The following CST7 variants were observed in gnomAD, a reference collection of about 807,000 sequenced individuals.
CST7 encodes the protein cystatin-F.
A neutral mutation model predicts 13.1 loss-of-function variants in CST7; 15 were observed. The ratio of observed to expected loss-of-function variants is 1.14; its 90% CI spans 0.77 to 1.76. The LOEUF is 1.76. CST7 is among the 40% of genes most tolerant of loss of function. The pLI, the probability that CST7 is intolerant of heterozygous loss-of-function variation, is 0.00. For synonymous variants in CST7, 75 were observed against 66.9 expected (o/e 1.12, Z -0.59); for missense variants, 193 against 178.8 (o/e 1.08, Z -0.45).
intron 3 of CST7, 134 bp from the exon 4 acceptor site, chr20:24,959,501 C>A: frequency 1.4e-6 from 1 of 732,006 alleles, no homozygotes. Flanking sequence ...TTCAAGTTTT[C>A]TGTAGGTTTG....
chr20:24,949,766 G>A (rs560054831), intron 1 of CST7, among the ~76,000 whole-genome samples, 191 bp downstream of exon 1: 1 of 152,332 alleles, frequency 6.6e-6, no homozygotes, highest in East Asian at 1.9e-4. Flanking sequence ...GGGGTAGCAG[G>A]CTACAGGGAT....
At chr20:24,957,500 A>AG in intron 2 of CST7, 41 bp downstream of exon 2, 1 of 1,592,612 alleles carries the variant, frequency 6.3e-7, no homozygotes. Context: ...GGACACCCCT[A>AG]GGAAGCCGAG....
chr20:24,957,478 G>A lies in CST7; in HGVS notation c.243+19G>A, dbSNP rs2087866335. 1.9e-6 allele frequency: 3 copies of A among 1,611,124 alleles called. No homozygotes were observed. Among genetic ancestry groups the A allele is most frequent in the South Asian group, 2.2e-5 (2 of 90,844 alleles). On this transcript the variant is annotated intron_variant, in intron 2 of 3. Coordinates refer to ENST00000480798, the MANE Select transcript of CST7 (RefSeq NM_003650.4). ...AGTTCAGGTAACGGTCTGGGTTCTG[G>A]TCACATATCACGGACACCCCTAGGA...
chr20:24,957,704 C>T (rs1000799465), intron 2 of CST7, among the ~76,000 whole-genome samples: 1 of 152,162 alleles, frequency 6.6e-6, no homozygotes, highest in Non-Finnish European at 1.5e-5. Flanking sequence ...GCCCCTGGCC[C>T]AGAGCCTACT....
chr20:24,949,671 G>C (rs1301491699), intron 1 of CST7, 96 bp downstream of exon 1: 3 of 1,504,584 alleles, frequency 2.0e-6, no homozygotes, highest in Non-Finnish European at 2.7e-6. Context: ...TCCTAGCTTG[G>C]AGCCCCCACA....
At chr20:24,956,858 T>C (rs548075735) in intron 1 of CST7, among the ~76,000 whole-genome samples, 104 of 151,794 alleles carry the variant, frequency 6.9e-4, no homozygotes, top group African/African-American at 2.3e-3. Context: ...CTGTGGGACA[T>C]GTTCCGCTTT....
At position 24,957,392 on chromosome 20, in the gene CST7, A is replaced by G. The variant is rs749745596; in HGVS notation, c.176A>G (p.Lys59Arg). ...CAAGCAGCCAGATACAGTGTTGAAA[A>G]GTTCAACAACTGCACGAACGACATG... ...VLQAARYSVE[K>R]FNNCTNDMFL... Residue 59 changes from lysine (K) to arginine (R), a missense_variant, in exon 2 of 4, where the codon AAG (lysine) becomes AGG (arginine). Transcript: ENST00000480798. 2.4e-5 allele frequency: 39 copies of G among 1,613,678 alleles called. No individual in the cohort carries two copies. The South Asian group carries it at 3.8e-4, about 16-fold the overall frequency.
intron 1 of CST7, among the ~76,000 whole-genome samples, 193 bp downstream of exon 1, chr20:24,949,768 T>C (rs2087808679): frequency 6.6e-6 from 1 of 152,122 alleles, no homozygotes; most frequent in Non-Finnish European, 1.5e-5. Flanking sequence ...GGTAGCAGGC[T>C]ACAGGGATGA....
At position 24,949,467 on chromosome 20, in the gene CST7, C is replaced by G. The variant is rs2087805848; in HGVS notation, c.-39C>G. On this transcript the variant is annotated 5_prime_UTR_variant, in exon 1 of 4. Transcript: ENST00000480798. ...GCTGCCTGAGAAGGCACTGCACGGC[C>G]ACCCCCAACTGCCCCGCACTGTCCC... 1 of 1,613,956 alleles carries G rather than the reference C, an allele frequency of 6.2e-7. No homozygotes were observed. The highest frequency in any genetic ancestry group is 8.5e-7 in the Non-Finnish European group (1 of 1,179,960).
At chr20:24,956,017 G>A (rs934784585) in intron 1 of CST7, among the ~76,000 whole-genome samples, 10 of 152,144 alleles carry the variant, frequency 6.6e-5, no homozygotes, top group African/African-American at 1.2e-4. Context: ...AACCAACCAC[G>A]GGACAGCCAT....
rs182685922 is a variant in CST7 at position 24,954,625 on chromosome 20, C to G, written c.71-2662C>G. Among the ~76,000 whole-genome samples the G allele has an allele frequency of 2.6e-5, 4 of 152,274 alleles. No individual in the cohort carries two copies. In the East Asian group the frequency reaches 7.7e-4, roughly 29 times the overall value. Reference sequence around the variant, plus strand: ...AATATCTGTTTAGACAACTGTAAGACAGTGAAAGGTTTATTGACTTGAAGC... The same window carrying G: ...AATATCTGTTTAGACAACTGTAAGAGAGTGAAAGGTTTATTGACTTGAAGC... On this transcript the variant is annotated intron_variant, in intron 1 of 3. Coordinates refer to ENST00000480798, the MANE Select transcript of CST7 (RefSeq NM_003650.4).
chr20:24,957,498 C>T, intron 2 of CST7, 39 bp downstream of exon 2: 1 of 1,595,452 alleles, frequency 6.3e-7, no homozygotes, highest in African/African-American at 1.3e-5. Context: ...ACGGACACCC[C>T]TAGGAAGCCG....
At chr20:24,949,617 C>T in intron 1 of CST7, 42 bp downstream of exon 1, 3 of 1,610,748 alleles carry the variant, frequency 1.9e-6, no homozygotes, top group Non-Finnish European at 2.5e-6. Flanking sequence ...GGGGTCTCTC[C>T]CTGAGATTGG....
intron 1 of CST7, among the ~76,000 whole-genome samples, chr20:24,956,752 C>T (rs1475891184): frequency 6.6e-6 from 1 of 151,926 alleles, no homozygotes; most frequent in East Asian, 2.0e-4. Context: ...CATCTCCTTC[C>T]GGTGGGAGGC....
rs765936037 is a variant in CST7, at chr20:24,958,921, C to G, written c.244-7C>G. 22 of 1,606,282 alleles carry G rather than the reference C, an allele frequency of 1.4e-5. No individual in the cohort carries two copies. Among genetic ancestry groups the G allele is most frequent in the Non-Finnish European group, 1.8e-5 (21 of 1,173,028 alleles). On this transcript the variant is annotated splice_region_variant and splice_polypyrimidine_tract_variant and intron_variant, in intron 2 of 3. Coordinates refer to ENST00000480798, the MANE Select transcript of CST7 (RefSeq NM_003650.4). ...GCCCAGTAACCCAGTCCCTTTGCTC[C>G]CTCCAGATAGTGAAAGGCCTGAAAT...
intron 3 of CST7, 149 bp from the exon 4 acceptor site, chr20:24,959,486 G>A (rs937827710): frequency 9.1e-6 from 6 of 662,534 alleles, no homozygotes; most frequent in South Asian, 5.5e-5. Flanking sequence ...TTCTTAAATC[G>A]TTCTTTCAAG....
chr20:24,957,188 C>A, intron 1 of CST7, 99 bp from the exon 2 acceptor site: 1 of 1,244,778 alleles, frequency 8.0e-7, no homozygotes. Context: ...GACACACACG[C>A]CAGCAGAGAA....
chr20:24,955,595 G>A (rs1233785826), intron 1 of CST7, among the ~76,000 whole-genome samples: 1 of 152,050 alleles, frequency 6.6e-6, no homozygotes, highest in African/African-American at 2.4e-5. Context: ...GACTACAGGT[G>A]CCCGCCACCA....
intron 1 of CST7, among the ~76,000 whole-genome samples, chr20:24,955,909 G>A (rs928353307): frequency 3.3e-5 from 5 of 152,174 alleles, no homozygotes; most frequent in Non-Finnish European, 7.3e-5. Flanking sequence ...GCACTGCGCT[G>A]CTTTTTTGGG....
Sources: allele counts gnomAD v4.1 joint callset (sites outside exome capture counted in the v4.1 genomes callset), GRCh38; gene constraint gnomAD v4.1.1; transcripts MANE v1.5; gene names NCBI Gene and HGNC (gene_info 2026-07-23, HGNC 2026-07-21).